Variants in MTHFD1 observed in about 807,000 individuals in gnomAD.
The protein encoded by MTHFD1 is methylenetetrahydrofolate dehydrogenase, cyclohydrolase and formyltetrahydrofolate synthetase 1, also known as C-1-tetrahydrofolate synthase, cytoplasmic.
A neutral mutation model predicts 110.3 loss-of-function variants in MTHFD1; 44 were observed. That is an observed-to-expected ratio of 0.40 (90% confidence interval 0.31 to 0.51). MTHFD1 has a LOEUF of 0.51. Among genes scored for constraint, MTHFD1 ranks in the 20% least tolerant of loss-of-function variants. The pLI is 0.60. For synonymous variants in MTHFD1, 402 were observed against 428.8 expected, an observed-to-expected ratio of 0.94 and a Z score of 0.77; for missense variants, 909 against 1,173.1, an observed-to-expected ratio of 0.77 and a Z score of 3.29.
intron 2 of MTHFD1, among the ~76,000 whole-genome samples, chr14:64,401,084 C>T (rs1340682746): frequency 1.3e-5 from 2 of 152,084 alleles, no homozygotes; most frequent in Non-Finnish European, 2.9e-5. Flanking sequence ...GATACCCTTT[C>T]TCTAGGCCAG....
At chr14:64,434,394 A>C (rs1265209744) in intron 15 of MTHFD1, among the ~76,000 whole-genome samples, 1 of 152,058 alleles carries the variant, frequency 6.6e-6, no homozygotes, top group Non-Finnish European at 1.5e-5. Context: ...CTACAAAAAA[A>C]TTTAAAAACG....
Position 64,435,562 on chromosome 14 carries a change from C to T in MTHFD1, c.1495-7C>T. ...TATTTTATGTTTTCATTTTCCTACACTTTCAGAGACTAGGCATTGAAAAGA... is the reference window on the plus strand; with the variant it reads ...TATTTTATGTTTTCATTTTCCTACATTTTCAGAGACTAGGCATTGAAAAGA... On this transcript the variant is annotated splice_region_variant and splice_polypyrimidine_tract_variant and intron_variant, in intron 15 of 27. Coordinates refer to ENST00000652337, the MANE Select transcript of MTHFD1 (RefSeq NM_005956.4). The T allele has an allele frequency of 1.9e-6, 3 of 1,553,022 alleles. No individual in the cohort carries two copies. Among genetic ancestry groups the T allele is most frequent in the Non-Finnish European group, 2.7e-6 (3 of 1,124,510 alleles).
intron 23 of MTHFD1, chr14:64,449,167 CA>C: frequency 4.2e-6 from 2 of 476,048 alleles, no homozygotes; most frequent in Non-Finnish European, 3.9e-6. Flanking sequence ...AAGTATTTTA[CA>C]TGGATTTACC....
chr14:64,458,555 GA>G (rs1490758794), intron 27 of MTHFD1: 1 of 518,834 alleles, frequency 1.9e-6, no homozygotes, highest in African/African-American at 1.9e-5. Flanking sequence ...GTGTAGGGGA[GA>G]AAACTGCTGT....
intron 4 of MTHFD1, 141 bp downstream of exon 4, chr14:64,412,666 T>G: frequency 1.5e-6 from 1 of 654,956 alleles, no homozygotes; most frequent in Non-Finnish European, 2.7e-6. Flanking sequence ...AGACACAGTT[T>G]TGCTCATGTC....
intron 1 of MTHFD1, among the ~76,000 whole-genome samples, chr14:64,399,656 C>CAAAAAAAA (rs34735594): frequency 3.5e-5 from 4 of 113,186 alleles, no homozygotes; most frequent in East Asian, 2.5e-4. Context: ...GTCCCCATCT[C>CAAAAAAAA]AAAAAAAAAA....
chr14:64,404,138 A>G (rs548915642), intron 2 of MTHFD1, among the ~76,000 whole-genome samples: 1 of 152,338 alleles, frequency 6.6e-6, no homozygotes, highest in East Asian at 1.9e-4. Context: ...GTCCCTCAAG[A>G]GTGTGTGGGC....
chr14:64,407,872 C>T (rs1260774101), intron 2 of MTHFD1, among the ~76,000 whole-genome samples: 11 of 151,976 alleles, frequency 7.2e-5, no homozygotes, highest in Admixed American at 7.2e-4. Flanking sequence ...TAACAGTATT[C>T]GGGAACTATT....
intron 23 of MTHFD1, 170 bp downstream of exon 23, chr14:64,448,487 C>T (rs938231848): frequency 2.6e-5 from 17 of 652,026 alleles, no homozygotes; most frequent in Non-Finnish European, 4.5e-5. Flanking sequence ...GGCTCACCAC[C>T]TCACCCACTG....
rs561478640 is a variant in MTHFD1 at position 64,417,410 on chromosome 14, G to A, written c.479-478G>A. ...CTATGGCTCAGGCCCTAAGCCAAAA[G>A]AGAAATTTGGGTGAGGAACTGTATA... is the stretch of plus-strand genomic sequence containing the variant. On this transcript the variant is annotated intron_variant, in intron 6 of 27. Coordinates refer to ENST00000652337, the MANE Select transcript of MTHFD1 (RefSeq NM_005956.4). This position sits in a 1 kb window ranked among gnomAD's most constrained non-coding sequence, Gnocchi z 4.4. Among the ~76,000 whole-genome samples the A allele has an allele frequency of 7.2e-5, 11 of 152,300 alleles. No homozygotes were observed. Among genetic ancestry groups the A allele is most frequent in the African/African-American group, 2.6e-4 (11 of 41,572 alleles).
chr14:64,395,744 G>C (rs1041060266), intron 1 of MTHFD1, among the ~76,000 whole-genome samples: 13 of 152,218 alleles, frequency 8.5e-5, no homozygotes, highest in Middle Eastern at 6.8e-3. Flanking sequence ...GCCAGGACTG[G>C]TGCCGAGCAT....
chr14:64,433,472 C>T (rs2078177588), intron 15 of MTHFD1, among the ~76,000 whole-genome samples: 1 of 152,172 alleles, frequency 6.6e-6, no homozygotes, highest in South Asian at 2.1e-4. Flanking sequence ...GGCTGGAGTG[C>T]CGTGGTGCAA....
At chr14:64,396,189 TG>T (rs1037541489) in intron 1 of MTHFD1, among the ~76,000 whole-genome samples, 2 of 152,172 alleles carry the variant, frequency 1.3e-5, no homozygotes, top group African/African-American at 4.8e-5. Flanking sequence ...TTGACTGTCT[TG>T]TATACTGATA....
chr14:64,401,400 A>G (rs2140946068), intron 2 of MTHFD1, among the ~76,000 whole-genome samples: 1 of 152,272 alleles, frequency 6.6e-6, no homozygotes, highest in East Asian at 1.9e-4. Flanking sequence ...AATGTTTACT[A>G]TATTAGAAAT....
At chr14:64,453,693 C>G (rs1434658214) in intron 24 of MTHFD1, 61 bp from the exon 25 acceptor site, 8 of 1,003,698 alleles carry the variant, frequency 8.0e-6, no homozygotes, top group Non-Finnish European at 9.5e-6. Flanking sequence ...TGGCTATGTC[C>G]TGGTTAAATG....
At chr14:64,448,171 T>G in intron 22 of MTHFD1, 46 bp from the exon 23 acceptor site, 1 of 1,425,112 alleles carries the variant, frequency 7.0e-7, no homozygotes, top group Non-Finnish European at 9.9e-7. Context: ...CCTGCAGTGG[T>G]TTTCAACTCT....
chr14:64,449,454 A>G lies in MTHFD1; in HGVS notation c.2289A>G (p.Thr763=), dbSNP rs2078336191. The change falls in exon 24 of 28, where the codon ACA becomes ACG. Residue 763 remains threonine (T), a synonymous_variant. Transcript: ENST00000652337. ...VVAVNAFKTD[T]ESELDLISRL... ...AATGCTTCCTTTATAGGACGGATAC[A>G]GAGTCTGAGCTGGACCTCATCAGCC... is the stretch of plus-strand genomic sequence containing the variant. 2 of 1,613,400 alleles carry G rather than the reference A, an allele frequency of 1.2e-6. No homozygotes were observed. The highest frequency in any genetic ancestry group is 2.2e-5 in the South Asian group (2 of 91,056).
intron 10 of MTHFD1, 50 bp from the exon 11 acceptor site, chr14:64,425,969 A>G (rs779564365): frequency 5.6e-6 from 9 of 1,608,354 alleles, no homozygotes; most frequent in Non-Finnish European, 7.7e-6. Context: ...CTGTGGGATT[A>G]ATTAAACTCA....
intron 17 of MTHFD1, among the ~76,000 whole-genome samples, 172 bp from the exon 18 acceptor site, chr14:64,439,953 TA>T (rs35192725): frequency 0.42 from 58,191 of 137,572 alleles, 12,384 homozygotes; most frequent in South Asian, 0.56. Context: ...TTAATTAATA[TA>T]TTTTTTTGCT....
Sources: gnomAD v4.1 joint callset for allele counts (sites outside exome capture counted in the v4.1 genomes callset) on GRCh38, gnomAD v4.1.1 for gene constraint, Gnocchi (gnomAD v3.1) non-coding constraint, MANE v1.5 for transcripts, NCBI Gene and HGNC (gene_info 2026-07-23, HGNC 2026-07-21) for gene names.